The following SYNE2 variants were observed in gnomAD, a reference collection of about 807,000 sequenced individuals.
SYNE2 encodes nesprin-2.
SYNE2 carries 431 observed loss-of-function variants against 856.3 expected under a neutral mutation model. The ratio of observed to expected loss-of-function variants is 0.50; its 90% confidence interval spans 0.47 to 0.55. The LOEUF (loss-of-function observed/expected upper bound fraction) is 0.55. SYNE2 is among the 20% of genes least tolerant of loss of function. SYNE2 has a pLI of 0.00. For synonymous variants in SYNE2, 2,923 were observed against 2,872.3 expected (o/e 1.02, Z -0.56); for missense variants, 8,129 against 8,023.2 (o/e 1.01, Z -0.50).
intron 1 of SYNE2, among the ~76,000 whole-genome samples, chr14:63,805,406 G>C (rs1032140270): frequency 2.0e-5 from 3 of 152,068 alleles, no homozygotes; most frequent in Non-Finnish European, 4.4e-5. Context: ...GCAGTGTTTT[G>C]TAATTCTCTT....
chr14:63,789,785 AAAG>A (rs72556754), intron 1 of SYNE2, among the ~76,000 whole-genome samples: 9,265 of 151,778 alleles, frequency 0.061, 299 homozygotes, highest in Admixed American at 0.099. Context: ...AAAAAAAAAA[AAAG>A]AAGAAGAAGT....
intron 18 of SYNE2, among the ~76,000 whole-genome samples, chr14:63,984,155 A>G (rs1448475017): frequency 2.0e-5 from 3 of 152,112 alleles, no homozygotes; most frequent in Non-Finnish European, 4.4e-5. Context: ...AGGTGGGAGG[A>G]TTGCTTGAGC....
chr14:63,814,910 ATCCATATATCTATCCATATATC>A (rs1888841316), intron 1 of SYNE2, among the ~76,000 whole-genome samples: 34 of 125,764 alleles, frequency 2.7e-4, no homozygotes, highest in East Asian at 9.5e-4. Flanking sequence ...ATCCATATAT[ATCCATATATCTATCCATATATC>A]TATCCATATA....
intron 1 of SYNE2, among the ~76,000 whole-genome samples, chr14:63,832,783 C>T (rs1889715874): frequency 6.9e-6 from 1 of 145,444 alleles, no homozygotes; most frequent in African/African-American, 2.5e-5. Flanking sequence ...AATCTCAACA[C>T]TTTGGGAGGC....
At chr14:64,033,759 T>A (rs1266647858) in intron 45 of SYNE2, among the ~76,000 whole-genome samples, 1 of 152,224 alleles carries the variant, frequency 6.6e-6, no homozygotes, top group East Asian at 1.9e-4. Context: ...GAGTTATTGA[T>A]AGTTTATGAT....
rs1419072544 is a variant in SYNE2, at chr14:64,202,789, A to C, written c.18039-12A>C. 5.6e-6 allele frequency: 9 copies of C among 1,613,700 alleles called. No individual in the cohort carries two copies. The highest frequency in any genetic ancestry group is 7.6e-6 in the Non-Finnish European group (9 of 1,179,958). On this transcript the variant is annotated splice_polypyrimidine_tract_variant and intron_variant, in intron 99 of 115. Transcript: ENST00000555002. Reference sequence around the variant, plus strand: ...TTTTTGTTTCGTTTTGTTTTTCTGCAAATATGTGTAGGGTGAAGAAGCTGA... The same window carrying C: ...TTTTTGTTTCGTTTTGTTTTTCTGCCAATATGTGTAGGGTGAAGAAGCTGA...
At chr14:64,108,884 T>C (rs1194646025) in intron 65 of SYNE2, among the ~76,000 whole-genome samples, 1 of 151,706 alleles carries the variant, frequency 6.6e-6, no homozygotes, top group African/African-American at 2.4e-5. Context: ...TTAATCTGGG[T>C]TTTGTTCTGG....
At chr14:64,064,533 T>TA (rs1441458692) in intron 50 of SYNE2, among the ~76,000 whole-genome samples, 15 of 147,708 alleles carry the variant, frequency 1.0e-4, no homozygotes, top group Admixed American at 2.8e-4. Flanking sequence ...AGGGCTGTTG[T>TA]ACTTTTAGAT....
intron 1 of SYNE2, among the ~76,000 whole-genome samples, chr14:63,790,778 A>G (rs1044602827): frequency 2.0e-5 from 3 of 152,176 alleles, no homozygotes; most frequent in African/African-American, 7.2e-5. Flanking sequence ...TTTTCAAAGA[A>G]CAACACAAAG....
chr14:63,874,430 G>C (rs2094667367), intron 1 of SYNE2, among the ~76,000 whole-genome samples: 1 of 152,020 alleles, frequency 6.6e-6, no homozygotes, highest in Admixed American at 6.6e-5. Context: ...GTTGTTGGGA[G>C]CTAACAAAGT....
intron 89 of SYNE2, among the ~76,000 whole-genome samples, 159 bp from the exon 90 acceptor site, chr14:64,165,126 A>G (rs996270549): frequency 9.2e-5 from 14 of 152,140 alleles, no homozygotes; most frequent in Non-Finnish European, 1.2e-4. Flanking sequence ...GGCTCAAGCA[A>G]TCTTCCCACC....
intron 1 of SYNE2, among the ~76,000 whole-genome samples, chr14:63,881,111 G>A (rs2094852870): frequency 6.6e-6 from 1 of 151,510 alleles, no homozygotes; most frequent in African/African-American, 2.4e-5. Context: ...GCCTCCCAAA[G>A]TGCTGGGATT....
intron 58 of SYNE2, 143 bp downstream of exon 58, chr14:64,087,999 A>G (rs2097577096): frequency 1.2e-6 from 1 of 843,040 alleles, no homozygotes; most frequent in Non-Finnish European, 1.9e-6. Flanking sequence ...CCTGGCCAAC[A>G]TGGTGAAACC....
At chr14:64,078,420 T>C (rs2097487895) in intron 54 of SYNE2, 46 bp from the exon 55 acceptor site, 1 of 1,609,820 alleles carries the variant, frequency 6.2e-7, no homozygotes, top group Non-Finnish European at 8.5e-7. Context: ...ATGAATAAAG[T>C]GCAGACAACC....
chr14:63,772,847 G>T (rs1230997765), intron 1 of SYNE2, among the ~76,000 whole-genome samples: 2 of 151,084 alleles, frequency 1.3e-5, no homozygotes, highest in Non-Finnish European at 2.9e-5. Flanking sequence ...AAGCCATCTC[G>T]ACTCACTGCA....
intron 99 of SYNE2, among the ~76,000 whole-genome samples, chr14:64,200,327 G>T (rs2098556513): frequency 6.6e-6 from 1 of 152,158 alleles, no homozygotes; most frequent in Non-Finnish European, 1.5e-5. Context: ...CTGTGCAGAG[G>T]TCACGAGCCT....
At chr14:64,114,025 C>A (rs2097834483) in intron 66 of SYNE2, among the ~76,000 whole-genome samples, 1 of 152,080 alleles carries the variant, frequency 6.6e-6, no homozygotes, top group Non-Finnish European at 1.5e-5. Context: ...TCAGTAAATG[C>A]TATTATTTTA....
chr14:64,079,967 G>A (rs1295253449), intron 55 of SYNE2, among the ~76,000 whole-genome samples: 2 of 152,120 alleles, frequency 1.3e-5, no homozygotes, highest in Non-Finnish European at 2.9e-5. Flanking sequence ...CCAAAATTGT[G>A]TGAGCCACTG....
At chr14:64,035,906 G>T (rs2097085525) in intron 45 of SYNE2, among the ~76,000 whole-genome samples, 1 of 146,278 alleles carries the variant, frequency 6.8e-6, no homozygotes, top group Non-Finnish European at 1.5e-5. Context: ...GTCTCACTAA[G>T]TTGCCCAGGG....
Sources: allele counts gnomAD v4.1 joint callset (sites outside exome capture counted in the v4.1 genomes callset), GRCh38; gene constraint gnomAD v4.1.1; transcripts MANE v1.5; gene names NCBI Gene and HGNC (gene_info 2026-07-23, HGNC 2026-07-21).